Variants in RERE observed in about 807,000 individuals in gnomAD.
The protein encoded by RERE is arginine-glutamic acid dipeptide repeats protein.
A neutral mutation model predicts 146.1 loss-of-function variants in RERE; 40 were observed. The ratio of observed to expected loss-of-function variants is 0.27; its 90% CI spans 0.21 to 0.36. The LOEUF (loss-of-function observed/expected upper bound fraction) is 0.36, where lower values mean the gene tolerates loss of function less well. Ranked by LOEUF, RERE falls within the 10% of genes least tolerant of loss-of-function variation. The pLI is 1.00. For missense variants in RERE, 1,933 were observed against 2,138.7 expected (o/e 0.90, Z 1.90); for synonymous variants, 1,003 against 866.0 (o/e 1.16, Z -2.78).
intron 1 of RERE, among the ~76,000 whole-genome samples, chr1:8,686,717 T>C (rs1464363274): frequency 6.6e-6 from 1 of 152,000 alleles, no homozygotes; most frequent in East Asian, 1.9e-4. Context: ...GCCATTGTAC[T>C]GCAGCCTAGG....
intron 1 of RERE, among the ~76,000 whole-genome samples, chr1:8,711,950 G>A (rs1318821617): frequency 2.6e-5 from 4 of 151,906 alleles, no homozygotes; most frequent in South Asian, 2.1e-4. Flanking sequence ...AATTACACAC[G>A]TGTATTTCAG....
chr1:8,815,837 GTGTGTA>G (rs1233950446), intron 1 of RERE, among the ~76,000 whole-genome samples: 53 of 150,274 alleles, frequency 3.5e-4, no homozygotes, highest in African/African-American at 9.5e-4. Context: ...TATTGTGTGT[GTGTGTA>G]TGTGTGTGTG....
At chr1:8,694,612 A>T (rs1639280667) in intron 1 of RERE, among the ~76,000 whole-genome samples, 1 of 152,030 alleles carries the variant, frequency 6.6e-6, no homozygotes, top group African/African-American at 2.4e-5. Flanking sequence ...TACAAAAATT[A>T]GCCGGGCGTG....
intron 3 of RERE, among the ~76,000 whole-genome samples, chr1:8,615,480 A>G (rs1264132718): frequency 6.6e-6 from 1 of 152,246 alleles, no homozygotes; most frequent in Non-Finnish European, 1.5e-5. Context: ...TATACCTCAG[A>G]TAACAGTTTG....
intron 7 of RERE, among the ~76,000 whole-genome samples, chr1:8,521,902 C>T (rs1269982845): frequency 6.6e-6 from 1 of 152,128 alleles, no homozygotes; most frequent in Non-Finnish European, 1.5e-5. Context: ...GCCCCAAAAG[C>T]TTGATGTCCA....
intron 1 of RERE, among the ~76,000 whole-genome samples, chr1:8,781,363 A>AAG (rs1641161694): frequency 6.6e-6 from 1 of 151,538 alleles, no homozygotes; most frequent in Non-Finnish European, 1.5e-5. Flanking sequence ...TCTCAAAAAA[A>AAG]AAAAAACAAC....
chr1:8,733,618 A>C (rs1469729832), intron 1 of RERE, among the ~76,000 whole-genome samples: 1 of 152,186 alleles, frequency 6.6e-6, no homozygotes, highest in Non-Finnish European at 1.5e-5. Flanking sequence ...AACTCTGCCA[A>C]CCTTGTGAAT....
At chr1:8,652,929 G>A (rs1309462318) in intron 2 of RERE, among the ~76,000 whole-genome samples, 7 of 152,102 alleles carry the variant, frequency 4.6e-5, no homozygotes, top group African/African-American at 2.4e-5. Context: ...GACCTCCTGT[G>A]CTCAAGAGAT....
intron 1 of RERE, among the ~76,000 whole-genome samples, chr1:8,758,009 T>C (rs1435558353): frequency 1.3e-5 from 2 of 152,126 alleles, no homozygotes; most frequent in Non-Finnish European, 2.9e-5. Flanking sequence ...GAGGATACTA[T>C]GTTAAGTGAA....
intron 4 of RERE, among the ~76,000 whole-genome samples, chr1:8,588,527 T>C (rs373442808): frequency 5.5e-4 from 83 of 152,236 alleles, no homozygotes; most frequent in East Asian, 2.7e-3. Flanking sequence ...AGTGACCCCC[T>C]GACCCAAAAG....
chr1:8,408,435 G>A (rs989955044), intron 12 of RERE, among the ~76,000 whole-genome samples: 1 of 152,182 alleles, frequency 6.6e-6, no homozygotes, highest in Non-Finnish European at 1.5e-5. Flanking sequence ...ATGCCCTGCT[G>A]TACAACCAAA....
intron 1 of RERE, among the ~76,000 whole-genome samples, chr1:8,698,354 A>G (rs1222088915): frequency 1.3e-5 from 2 of 152,254 alleles, no homozygotes; most frequent in Admixed American, 6.5e-5. Context: ...TGCTGAATAT[A>G]CCACTGTTTC....
chr1:8,670,812 A>G (rs889154238), intron 1 of RERE, among the ~76,000 whole-genome samples: 3 of 152,184 alleles, frequency 2.0e-5, no homozygotes, highest in Non-Finnish European at 4.4e-5. Context: ...ATAAGGGAAA[A>G]GCCATGGTGG....
chr1:8,511,270 A>G (rs183251938), intron 7 of RERE, among the ~76,000 whole-genome samples: 4 of 152,334 alleles, frequency 2.6e-5, no homozygotes, highest in African/African-American at 9.6e-5. Context: ...AAGAGACTTG[A>G]AAATTGTTTA....
intron 12 of RERE, among the ~76,000 whole-genome samples, chr1:8,415,232 G>C (rs1416540567): frequency 1.3e-5 from 2 of 152,180 alleles, no homozygotes; most frequent in Non-Finnish European, 2.9e-5. Context: ...ACCACAACTT[G>C]TAAGTCTTTC....
At chr1:8,428,271 A>G (rs558635907) in intron 11 of RERE, among the ~76,000 whole-genome samples, 3 of 152,300 alleles carry the variant, frequency 2.0e-5, no homozygotes, top group Non-Finnish European at 4.4e-5. Flanking sequence ...GCACGAACTG[A>G]GCGTCTTGAG....
intron 4 of RERE, among the ~76,000 whole-genome samples, chr1:8,574,731 T>C (rs1174791641): frequency 1.3e-5 from 2 of 152,190 alleles, no homozygotes; most frequent in East Asian, 3.8e-4. Flanking sequence ...AAGACAGACA[T>C]AACTAATCTG....
At chr1:8,396,154 C>T (rs1398186134) in intron 12 of RERE, among the ~76,000 whole-genome samples, 1 of 152,134 alleles carries the variant, frequency 6.6e-6, no homozygotes, top group Admixed American at 6.5e-5. Flanking sequence ...AAAACCTATG[C>T]TAATTATCCT....
At chr1:8,563,486 G>A (rs1297341963) in intron 4 of RERE, among the ~76,000 whole-genome samples, 2 of 152,160 alleles carry the variant, frequency 1.3e-5, no homozygotes, top group Non-Finnish European at 2.9e-5. Flanking sequence ...TCACAGCAGG[G>A]ATTATCAGGT....
Sources: gnomAD v4.1 joint callset for allele counts (sites outside exome capture counted in the v4.1 genomes callset) on GRCh38, gnomAD v4.1.1 for gene constraint, MANE v1.5 for transcripts, NCBI Gene and HGNC (gene_info 2026-07-23, HGNC 2026-07-21) for gene names.